KMT2A: variants seen among roughly 807,000 people sequenced by gnomAD.
The protein encoded by KMT2A is lysine methyltransferase 2A, also known as histone-lysine N-methyltransferase 2A.
In KMT2A, 16 loss-of-function variants were observed where a neutral mutation model predicts 345.3. The observed-to-expected ratio is 0.05, with a 90% CI of 0.03 to 0.07. KMT2A has a LOEUF of 0.07. KMT2A is among the 10% of genes least tolerant of loss of function. The pLI is 1.00. For missense variants in KMT2A, 3,272 were observed against 4,841.6 expected (o/e 0.68, Z 9.62); for synonymous variants, 1,599 against 1,778.6 (o/e 0.90, Z 2.54).
chr11:118,464,222 G>A (rs1354445533), intron 1 of KMT2A, among the ~76,000 whole-genome samples: 1 of 152,202 alleles, frequency 6.6e-6, no homozygotes, highest in African/African-American at 2.4e-5. Flanking sequence ...AATTGGTTCA[G>A]CTTACACAAT....
In KMT2A at chr11:118,521,840, C is replaced by A. The variant is rs781953915; in HGVS notation, c.11644-57C>A. ...CATCAAGAGAAGATTGGGACATGTT[C>A]TTAAAGCTGAGTTTATAAGAAATGA... On this transcript the variant is annotated intron_variant, in intron 35 of 35. Coordinates refer to ENST00000534358, the MANE Select transcript of KMT2A (RefSeq NM_001197104.2). The surrounding 1 kb of genome is among the most constrained non-coding windows in gnomAD (Gnocchi z 5.3). The A allele has an allele frequency of 2.4e-5, 38 of 1,566,648 alleles. No individual in the cohort carries two copies. The highest frequency in any genetic ancestry group is 2.9e-5 in the Non-Finnish European group (33 of 1,143,664).
rs1253954696 is a variant in KMT2A at position 118,504,827 on chromosome 11, C to T, written c.8935C>T (p.Leu2979=). ...SVASSESDPA[L]LSPGVDPTPE... is the part of the protein sequence containing the mutation. Reference sequence around the variant, plus strand: ...AGCCTCCTCTGAAAGTGACCCAGCACTGCTGAGCCCAGGAGTAGATCCAAC... The same window carrying T: ...AGCCTCCTCTGAAAGTGACCCAGCATTGCTGAGCCCAGGAGTAGATCCAAC... Residue 2979 remains leucine, a synonymous_variant, in exon 27 of 36, where the codon CTG becomes TTG. Coordinates refer to ENST00000534358, the MANE Select transcript of KMT2A (RefSeq NM_001197104.2). This position sits in a 1 kb window ranked among gnomAD's most constrained non-coding sequence, Gnocchi z 6.4. The T allele has an allele frequency of 6.2e-7, 1 of 1,614,072 alleles. No individual in the cohort carries two copies. The highest frequency in any genetic ancestry group is 8.5e-7 in the Non-Finnish European group (1 of 1,180,040).
Position 118,505,568 on chromosome 11 carries a change from A to AT in KMT2A, c.9677dup (p.Ser3227IlefsTer9). 1 of 1,614,122 alleles carries AT rather than the reference A, an allele frequency of 6.2e-7. No individual in the cohort carries two copies. Among genetic ancestry groups the AT allele is most frequent in the Non-Finnish European group, 8.5e-7 (1 of 1,180,008 alleles). ...ATCCTCTGGACTCAAGAAAAGACCC[A>AT]TATCTCGTCTACAGACCCGAAAGAA... On this transcript the variant is annotated frameshift_variant, in exon 27 of 36. Coordinates refer to ENST00000534358, the MANE Select transcript of KMT2A (RefSeq NM_001197104.2). LOFTEE classifies it high-confidence loss of function. This position sits in a 1 kb window ranked among gnomAD's most constrained non-coding sequence, Gnocchi z 4.6.
In KMT2A at chr11:118,438,523, T is replaced by C. The variant is rs773084602; in HGVS notation, c.432+1579T>C. Reference sequence around the variant, plus strand: ...GCGAAGGGGGGTAGGGGGTTGCTGCTCTGGAGTGCTCTTGATTGAAACAGA... The same window carrying C: ...GCGAAGGGGGGTAGGGGGTTGCTGCCCTGGAGTGCTCTTGATTGAAACAGA... On this transcript the variant is annotated intron_variant, in intron 1 of 35. Transcript: ENST00000534358. Among the ~76,000 whole-genome samples the C allele has an allele frequency of 3.9e-4, 59 of 151,910 alleles. 2 individuals are homozygous for C. Among genetic ancestry groups the C allele is most frequent in the Admixed American group, 1.3e-4 (2 of 15,252 alleles).
intron 25 of KMT2A, 27 bp downstream of exon 25, chr11:118,501,174 G>C (rs781917809): frequency 6.8e-6 from 11 of 1,607,018 alleles, no homozygotes; most frequent in Non-Finnish European, 9.4e-6. Flanking sequence ...GATGGGACTT[G>C]AGGCTGGGCA....
Position 118,517,131 on chromosome 11 carries a change from C to T in KMT2A, c.11147-2487C>T, listed in dbSNP as rs147788071. On this transcript the variant is annotated intron_variant, in intron 31 of 35. Transcript: ENST00000534358. ...AGTTTGCCAGCTGGGCGCGGTGGCT[C>T]ACGCCTGTAATCCCATCACTTTGGG... is the stretch of plus-strand genomic sequence containing the variant. Among the ~76,000 whole-genome samples the T allele has an allele frequency of 1.3e-3, 202 of 151,892 alleles. 2 individuals are homozygous for T. Among genetic ancestry groups the T allele is most frequent in the African/African-American group, 4.7e-3 (196 of 41,452 alleles).
At position 118,507,617 on chromosome 11, in the gene KMT2A, G is replaced by A. The variant is rs1591288816; in HGVS notation, c.10835+8G>A. The A allele has an allele frequency of 6.2e-7, 1 of 1,609,720 alleles. No homozygotes were observed. Among genetic ancestry groups the A allele is most frequent in the South Asian group, 1.1e-5 (1 of 90,938 alleles). On this transcript the variant is annotated splice_region_variant and intron_variant, in intron 28 of 35. Transcript: ENST00000534358. ...GTGTGGGCAACCTGCAGGGTAAGCTGAAGAATTCGTCTTTTAAGACTAAGC... is the reference window on the plus strand; with the variant it reads ...GTGTGGGCAACCTGCAGGGTAAGCTAAAGAATTCGTCTTTTAAGACTAAGC...
chr11:118,451,751 C>G (rs1445332533), intron 1 of KMT2A, among the ~76,000 whole-genome samples: 2 of 151,634 alleles, frequency 1.3e-5, no homozygotes, highest in African/African-American at 4.9e-5. Context: ...CTTGACCTCT[C>G]AAAGTGCTGG....
chr11:118,511,908 G>T, intron 30 of KMT2A, 43 bp from the exon 31 acceptor site: 1 of 1,489,078 alleles, frequency 6.7e-7, no homozygotes, highest in Non-Finnish European at 9.4e-7. Flanking sequence ...AAGGGTTTAC[G>T]TGCATATTTT....
chr11:118,445,830 C>T (rs1949407520), intron 1 of KMT2A, among the ~76,000 whole-genome samples: 1 of 152,040 alleles, frequency 6.6e-6, no homozygotes, highest in South Asian at 2.1e-4. Context: ...TGGTGAAACC[C>T]TGTCTCTACT....
intron 28 of KMT2A, among the ~76,000 whole-genome samples, chr11:118,508,332 T>C (rs918373931): frequency 6.6e-6 from 1 of 152,248 alleles, no homozygotes; most frequent in African/African-American, 2.4e-5. Flanking sequence ...GTAGGTGTGC[T>C]TCACTTTTTA....
At chr11:118,475,143 A>G (rs1950012860) in intron 3 of KMT2A, among the ~76,000 whole-genome samples, 1 of 152,132 alleles carries the variant, frequency 6.6e-6, no homozygotes, top group Admixed American at 6.5e-5. Context: ...CAAAATAAAT[A>G]AATAAATAAA....
In KMT2A at chr11:118,473,794, G is replaced by C; in HGVS notation, c.2635G>C (p.Glu879Gln). ...GGACAAGAGTAGAGAGAGAGACCGG[G>C]AGAGAGAAAAGGAGAATAAGCGGGA... ...EKDKSRERDR[E>Q]REKENKRESR... Residue 879 changes from glutamate (E) to glutamine (Q), a missense_variant, in exon 3 of 36, where the codon GAG (glutamate) becomes CAG (glutamine). Physicochemically the swap from Glu to Gln is conservative, Grantham distance 29. Around this residue, in one of 27 missense-constraint regions of KMT2A, gnomAD observed 209 missense variants for 237.4 expected, o/e 0.88. Coordinates refer to ENST00000534358, the MANE Select transcript of KMT2A (RefSeq NM_001197104.2). This position sits in a 1 kb window ranked among gnomAD's most constrained non-coding sequence, Gnocchi z 5.2. 1 of 1,614,088 alleles carries C rather than the reference G, an allele frequency of 6.2e-7. No individual in the cohort carries two copies. The highest frequency in any genetic ancestry group is 8.5e-7 in the Non-Finnish European group (1 of 1,179,962).
chr11:118,484,307 A>T lies in KMT2A; in HGVS notation c.4211A>T (p.Asp1404Val). Residue 1404 changes from aspartate (D) to valine (V), a missense_variant, in exon 9 of 36, where the codon GAC (aspartate) becomes GTC (valine). Asp to Val is a radical substitution (Grantham distance 152). Coordinates refer to ENST00000534358, the MANE Select transcript of KMT2A (RefSeq NM_001197104.2). This position sits in a 1 kb window ranked among gnomAD's most constrained non-coding sequence, Gnocchi z 4.1. ...PADGVHRIRV[D>V]FKEDCEAENV... Reference sequence around the variant, plus strand: ...GATGGAGTCCACAGGATCAGAGTGGACTTTAAGGTAAAGGTGTTCAGTGAT... The same window carrying T: ...GATGGAGTCCACAGGATCAGAGTGGTCTTTAAGGTAAAGGTGTTCAGTGAT... 6.2e-7 allele frequency: 1 copy of T among 1,614,132 alleles called. No individual in the cohort carries two copies. Among genetic ancestry groups the T allele is most frequent in the Non-Finnish European group, 8.5e-7 (1 of 1,179,992 alleles).
In KMT2A at chr11:118,524,344, A is replaced by G. The variant is rs946911817; in HGVS notation, c.*2172A>G. 1.6e-5 allele frequency: 3 copies of G among 191,900 alleles called. No homozygotes were observed. The highest frequency in any genetic ancestry group is 3.3e-5 in the Non-Finnish European group (3 of 91,404). The allele number at this position is 191,900 out of a possible 1,614,324, so 11.9% of individuals were successfully genotyped here. ...ATTCCTATGGAAGTCTAGCAAAGCA[A>G]TACGACTCAGCCCAGCACTCTCTGC... On this transcript the variant is annotated 3_prime_UTR_variant, in exon 36 of 36. Coordinates refer to ENST00000534358, the MANE Select transcript of KMT2A (RefSeq NM_001197104.2).
In KMT2A at chr11:118,505,796, G is replaced by A. The variant is rs551471898; in HGVS notation, c.9904G>A (p.Ala3302Thr). 162 of 1,614,106 alleles carry A rather than the reference G, an allele frequency of 1.0e-4. 3 individuals carry two copies. In the South Asian group the frequency reaches 1.7e-3, roughly 17 times the overall value. Residue 3302 changes from alanine to threonine, a missense_variant, in exon 27 of 36, where the codon GCA becomes ACA. By Grantham distance (58) the Ala-to-Thr change is moderately conservative. This residue lies in a region of KMT2A where 748 missense variants were observed against 922.2 expected (regional missense o/e 0.81). Coordinates refer to ENST00000534358, the MANE Select transcript of KMT2A (RefSeq NM_001197104.2). The surrounding 1 kb of genome is among the most constrained non-coding windows in gnomAD (Gnocchi z 4.6). ...SKSSIMYFEP[A>T]PLLPQSVGGT... ...ATCTAGCATCATGTATTTTGAACCG[G>A]CACCCCTGTTACCACAGAGTGTGGG... is the stretch of plus-strand genomic sequence containing the variant.
Position 118,503,135 on chromosome 11 carries a change from T to C in KMT2A, c.7243T>C (p.Ser2415Pro), listed in dbSNP as rs1555046469. The change falls in exon 27 of 36, where the codon TCC becomes CCC. Residue 2415 changes from serine (S) to proline (P), a missense_variant. Around this residue, in one of 27 missense-constraint regions of KMT2A, gnomAD observed 445 missense variants for 500.9 expected, o/e 0.89. Coordinates refer to ENST00000534358, the MANE Select transcript of KMT2A (RefSeq NM_001197104.2). This position sits in a 1 kb window ranked among gnomAD's most constrained non-coding sequence, Gnocchi z 5.3. Reference sequence around the variant, plus strand: ...GCTATCTGGAATGAGCAACAGATCATCCATTATCAACGAACATATGGGATC... The same window carrying C: ...GCTATCTGGAATGAGCAACAGATCACCCATTATCAACGAACATATGGGATC... Reference protein sequence around the residue: ...LKLSGMSNRSSIINEHMGSSS... With the variant: ...LKLSGMSNRSPIINEHMGSSS... 1 of 1,613,522 alleles carries C rather than the reference T, an allele frequency of 6.2e-7. No individual in the cohort carries two copies. Among genetic ancestry groups the C allele is most frequent in the African/African-American group, 1.3e-5 (1 of 74,852 alleles).
intron 24 of KMT2A, 54 bp from the exon 25 acceptor site, chr11:118,500,933 G>A: frequency 6.9e-7 from 1 of 1,449,328 alleles, no homozygotes; most frequent in East Asian, 2.3e-5. Flanking sequence ...AAAAATGCTA[G>A]TTTCTGCTTC....
Position 118,488,700 on chromosome 11 carries a change from T to C in KMT2A, c.4419T>C (p.Asn1473=), listed in dbSNP as rs375471954. 3 of 1,614,150 alleles carry C rather than the reference T, an allele frequency of 1.9e-6. No homozygotes were observed. Among genetic ancestry groups the C allele is most frequent in the East Asian group, 2.2e-5 (1 of 44,882 alleles). ...GCCCTCTGGAGGACCAGCTGGAAAA[T>C]TGGTGTTGTCGTCGTTGCAAATTCT... ...NERPLEDQLE[N]WCCRRCKFCH... is the part of the protein sequence containing the mutation. The change falls in exon 11 of 36, where the codon AAT becomes AAC. Residue 1473 remains asparagine (N), a synonymous_variant. Transcript: ENST00000534358.
Sources: allele counts gnomAD v4.1 joint callset (sites outside exome capture counted in the v4.1 genomes callset), GRCh38; gene constraint gnomAD v4.1.1; regional missense constraint gnomAD v4.1.1; non-coding constraint Gnocchi (gnomAD v3.1); transcripts MANE v1.5; gene names NCBI Gene and HGNC (gene_info 2026-07-23, HGNC 2026-07-21).